Variants in SSRP1 observed in about 807,000 individuals in gnomAD.
SSRP1 encodes FACT complex subunit SSRP1.
A neutral mutation model predicts 84.4 loss-of-function variants in SSRP1; 21 were observed. The observed-to-expected ratio is 0.25, with a 90% CI of 0.18 to 0.36. SSRP1 has a LOEUF of 0.36. Among genes scored for constraint, SSRP1 ranks in the 10% least tolerant of loss-of-function variants. SSRP1 has a pLI of 1.00. For missense variants in SSRP1, 519 were observed against 900.8 expected (o/e 0.58, Z 5.43); for synonymous variants, 319 against 318.3 (o/e 1.00, Z -0.02).
In SSRP1 at chr11:57,327,508, C is replaced by T; in HGVS notation, c.1789G>A (p.Asp597Asn). The T allele has an allele frequency of 6.2e-7, 1 of 1,614,106 alleles. No individual in the cohort carries two copies. Residue 597 changes from aspartate to asparagine, a missense_variant, in exon 15 of 17, where the codon GAT (aspartate) becomes AAT (asparagine). Asp to Asn is a conservative substitution (Grantham distance 23). Around this residue, in one of 7 missense-constraint regions of SSRP1, gnomAD observed 197 missense variants for 265.0 expected, o/e 0.74. Coordinates refer to ENST00000278412, the MANE Select transcript of SSRP1 (RefSeq NM_003146.3). Reference sequence around the variant, plus strand: ...CTCCTGGCATCCTCAGCCTTGCGATCCCACTCCTGTCTCACACACAGAAAA... The same window carrying T: ...CTCCTGGCATCCTCAGCCTTGCGATTCCACTCCTGTCTCACACACAGAAAA... ...GMSKEKKEEWDRKAEDARRDY... is the reference protein window; with the variant it reads ...GMSKEKKEEWNRKAEDARRDY...
Position 57,327,736 on chromosome 11 carries a change from C to T in SSRP1, c.1758G>A (p.Lys586=), listed in dbSNP as rs61756192. The stretch of plus-strand genomic sequence containing the variant: ...CCTCTTTCTTCTCTTTGGACATTCC[C>T]TTCCAGATCTCGCCTGCCTTCTTGG... The part of the protein sequence containing the change: ...DLSKKAGEIW[K]GMSKEKKEEW... The change falls in exon 14 of 17, where the codon AAG becomes AAA. Residue 586 remains lysine (K), a synonymous_variant. Coordinates refer to ENST00000278412, the MANE Select transcript of SSRP1 (RefSeq NM_003146.3). 4.3e-6 allele frequency: 7 copies of T among 1,614,002 alleles called. No individual in the cohort carries two copies. Among genetic ancestry groups the T allele is most frequent in the Non-Finnish European group, 5.9e-6 (7 of 1,180,038 alleles).
chr11:57,328,985 AAAGAT>A (rs1856038444), intron 12 of SSRP1: 1 of 152,542 alleles, frequency 6.6e-6, no homozygotes. Flanking sequence ...CTTCTGATGA[AAAGAT>A]AATCAGTTAC....
In SSRP1 at chr11:57,326,166, G is replaced by T; in HGVS notation, c.*241C>A. ...GGTCGGGAAAGTAAGATGAGGATTT[G>T]GATCCTGCATTGCCCTGCCTCCCAC... On this transcript the variant is annotated 3_prime_UTR_variant, in exon 17 of 17. Transcript: ENST00000278412. 1 of 573,108 alleles carries T rather than the reference G, an allele frequency of 1.7e-6. No homozygotes were observed. The highest frequency in any genetic ancestry group is 3.1e-6 in the Non-Finnish European group (1 of 321,606). The allele number at this position is 573,108 out of a possible 1,614,324, so 35.5% of individuals were successfully genotyped here.
chr11:57,334,867 G>A (rs1005640576), intron 2 of SSRP1, among the ~76,000 whole-genome samples: 8 of 152,186 alleles, frequency 5.3e-5, no homozygotes, highest in African/African-American at 1.9e-4. Flanking sequence ...ACAGGAATTG[G>A]GAACTGAACA....
At chr11:57,328,105 G>T in intron 13 of SSRP1, 192 bp downstream of exon 13, 2 of 1,005,330 alleles carry the variant, frequency 2.0e-6, no homozygotes, top group Non-Finnish European at 2.9e-6. Flanking sequence ...CCTTCCAGAA[G>T]CTTATTAATC....
intron 9 of SSRP1, among the ~76,000 whole-genome samples, chr11:57,331,222 C>T (rs12576878): frequency 0.19 from 28,847 of 152,004 alleles, 3,307 homozygotes; most frequent in African/African-American, 0.32. Context: ...GGGCAGGGGA[C>T]GTGGTCATCT....
rs1241136054 is a variant in SSRP1 at position 57,326,157 on chromosome 11, T to C, written c.*250A>G. The stretch of plus-strand genomic sequence containing the variant: ...CATCCTTAAGGTCGGGAAAGTAAGA[T>C]GAGGATTTGGATCCTGCATTGCCCT... On this transcript the variant is annotated 3_prime_UTR_variant, in exon 17 of 17. Transcript: ENST00000278412. The C allele has an allele frequency of 3.6e-6, 2 of 557,850 alleles. No homozygotes were observed. Among genetic ancestry groups the C allele is most frequent in the African/African-American group, 3.8e-5 (2 of 53,268 alleles). The allele number at this position is 557,850 out of a possible 1,614,324, so 34.6% of individuals were successfully genotyped here. A position where few individuals can be genotyped will look rare whatever the true frequency, so the allele number is the denominator to read the frequency against.
chr11:57,335,376 G>A lies in SSRP1; in HGVS notation c.-119-136C>T, dbSNP rs1424952024. On this transcript the variant is annotated intron_variant, in intron 1 of 16. Coordinates refer to ENST00000278412, the MANE Select transcript of SSRP1 (RefSeq NM_003146.3). This position sits in a 1 kb window ranked among gnomAD's most constrained non-coding sequence, Gnocchi z 4.6. ...GCCTGGAAACCTACAGACGGACGCT[G>A]CAGTGCCCGAGGGTCCAGGTCCAGG... is the stretch of plus-strand genomic sequence containing the variant. 43 of 462,128 alleles carry A rather than the reference G, an allele frequency of 9.3e-5. No homozygotes were observed. In the East Asian group the frequency reaches 1.9e-3, roughly 20 times the overall value. The allele number at this position is 462,128 out of a possible 1,614,324, so 28.6% of individuals were successfully genotyped here.
In SSRP1 at chr11:57,327,504, C is replaced by T. The variant is rs879145494; in HGVS notation, c.1793G>A (p.Arg598His). ...GTCCCTCCTGGCATCCTCAGCCTTG[C>T]GATCCCACTCCTGTCTCACACACAG... ...MSKEKKEEWD[R>H]KAEDARRDYE... Residue 598 changes from arginine (R) to histidine (H), a missense_variant, in exon 15 of 17, where the codon CGC (arginine) becomes CAC (histidine). Coordinates refer to ENST00000278412, the MANE Select transcript of SSRP1 (RefSeq NM_003146.3). 6.8e-6 allele frequency: 11 copies of T among 1,613,956 alleles called. No individual in the cohort carries two copies. The highest frequency in any genetic ancestry group is 3.3e-5 in the Admixed American group (2 of 59,984).
chr11:57,331,048 C>T, intron 9 of SSRP1, 121 bp from the exon 10 acceptor site: 1 of 1,057,008 alleles, frequency 9.5e-7, no homozygotes, highest in South Asian at 1.3e-5. Flanking sequence ...GACTATGCTA[C>T]CCAACCCAAC....
At chr11:57,326,915 C>G in intron 15 of SSRP1, 26 bp from the exon 16 acceptor site, 1 of 1,552,786 alleles carries the variant, frequency 6.4e-7, no homozygotes, top group South Asian at 1.2e-5. Context: ...GGAAGAGGAG[C>G]TGGGCCTTCA....
chr11:57,335,416 C>A lies in SSRP1; in HGVS notation c.-119-176G>T, dbSNP rs949844489. 4 of 371,188 alleles carry A rather than the reference C, an allele frequency of 1.1e-5. No individual in the cohort carries two copies. The Admixed American group carries it at 1.1e-4, about 10-fold the overall frequency. 23.0% of individuals were successfully genotyped at this position (371,188 alleles called of 1,614,324 possible). A position where few individuals can be genotyped will look rare whatever the true frequency, so the allele number is the denominator to read the frequency against. On this transcript the variant is annotated intron_variant, in intron 1 of 16. Transcript: ENST00000278412. This position sits in a 1 kb window ranked among gnomAD's most constrained non-coding sequence, Gnocchi z 4.6. ...CCAGGTCCAGGCCTGGGTGGAGAAC[C>A]GGGCCCGGAATACCGCTGACACCCA...
Position 57,326,463 on chromosome 11 carries a change from C to G in SSRP1, c.2074G>C (p.Glu692Gln), listed in dbSNP as rs142261788. The G allele has an allele frequency of 2.0e-4, 316 of 1,613,864 alleles. No individual in the cohort carries two copies. Among genetic ancestry groups the G allele is most frequent in the Non-Finnish European group, 2.4e-4 (285 of 1,179,866 alleles). ...GAGCTGGGGGGAGTACTGGCTAGTT[C>G]TTCTTCTTCAGAGTCCTGAAAACCA... ...RRRSEDSEEE[E>Q]LASTPPSSED... is the part of the protein sequence containing the mutation. Residue 692 changes from glutamate to glutamine, a missense_variant, in exon 17 of 17, where the codon GAA becomes CAA. Glu to Gln is a conservative substitution (Grantham distance 29). Transcript: ENST00000278412.
In SSRP1 at chr11:57,335,521, C is replaced by A. The variant is rs1856198559; in HGVS notation, c.-120+209G>T. ...CCCCAGGGTCTGCCAGGAGCCCGCACATCGCACGCGACCCAATCCAGCTCA... is the reference window on the plus strand; with the variant it reads ...CCCCAGGGTCTGCCAGGAGCCCGCAAATCGCACGCGACCCAATCCAGCTCA... On this transcript the variant is annotated intron_variant, in intron 1 of 16. Transcript: ENST00000278412. The surrounding 1 kb of genome is among the most constrained non-coding windows in gnomAD (Gnocchi z 4.6). 2 of 296,788 alleles carry A rather than the reference C, an allele frequency of 6.7e-6. No individual in the cohort carries two copies. Among genetic ancestry groups the A allele is most frequent in the Admixed American group, 8.6e-5 (2 of 23,156 alleles). The allele number at this position is 296,788 out of a possible 1,614,324, so 18.4% of individuals were successfully genotyped here.
chr11:57,331,613 G>T, intron 9 of SSRP1, 55 bp downstream of exon 9: 1 of 1,481,682 alleles, frequency 6.7e-7, no homozygotes, highest in South Asian at 1.1e-5. Context: ...AGCCTTCCTA[G>T]ACAAAGCTGG....
At position 57,332,551 on chromosome 11, in the gene SSRP1, C is replaced by T. The variant is rs1856115235; in HGVS notation, c.769-65G>A. 2.5e-6 allele frequency: 4 copies of T among 1,605,162 alleles called. No homozygotes were observed. The Admixed American group carries it at 6.7e-5, about 27-fold the overall frequency. On this transcript the variant is annotated intron_variant, in intron 6 of 16. Coordinates refer to ENST00000278412, the MANE Select transcript of SSRP1 (RefSeq NM_003146.3). This position sits in a 1 kb window ranked among gnomAD's most constrained non-coding sequence, Gnocchi z 5.5. ...TGCAATTAACCAACGTAGAATTCTG[C>T]ACACCAGTGAGATCCATCTACTTAA...
intron 13 of SSRP1, 142 bp from the exon 14 acceptor site, chr11:57,328,024 G>C: frequency 9.4e-7 from 1 of 1,069,056 alleles, no homozygotes; most frequent in Non-Finnish European, 1.3e-6. Context: ...TAAGGGCAAG[G>C]ATAGTATCTC....
Position 57,332,053 on chromosome 11 carries a change from C to A in SSRP1, c.1001+99G>T. The stretch of plus-strand genomic sequence containing the variant: ...ATTGTGACACAAGGTCCCATCCAGG[C>A]CTCTAGGAGGCCGCATTCCCATCTC... On this transcript the variant is annotated intron_variant, in intron 8 of 16. Coordinates refer to ENST00000278412, the MANE Select transcript of SSRP1 (RefSeq NM_003146.3). The surrounding 1 kb of genome is among the most constrained non-coding windows in gnomAD (Gnocchi z 5.5). 6.3e-7 allele frequency: 1 copy of A among 1,583,798 alleles called. No individual in the cohort carries two copies. The highest frequency in any genetic ancestry group is 8.6e-7 in the Non-Finnish European group (1 of 1,164,810).
chr11:57,330,863 A>T lies in SSRP1; in HGVS notation c.1288T>A (p.Leu430Met). 6.2e-7 allele frequency: 1 copy of T among 1,614,212 alleles called. No individual in the cohort carries two copies. Among genetic ancestry groups the T allele is most frequent in the Non-Finnish European group, 8.5e-7 (1 of 1,180,020 alleles). Residue 430 changes from leucine to methionine, a missense_variant, in exon 10 of 17, where the codon TTG becomes ATG. This residue lies in a region of SSRP1 where 34 missense variants were observed against 34.3 expected (regional missense o/e 0.99). Transcript: ENST00000278412. The surrounding 1 kb of genome is among the most constrained non-coding windows in gnomAD (Gnocchi z 4.0). Reference sequence around the variant, plus strand: ...TCCCCACACAGAAGTACCTCTTTCAATCCTCGGTTTTTGATGTTGAGCTTT... The same window carrying T: ...TCCCCACACAGAAGTACCTCTTTCATTCCTCGGTTTTTGATGTTGAGCTTT... Reference protein sequence around the residue: ...AKKLNIKNRGLKEGMNPSYDE... With the variant: ...AKKLNIKNRGMKEGMNPSYDE...
Sources: gnomAD v4.1 joint callset for allele counts (sites outside exome capture counted in the v4.1 genomes callset) on GRCh38, gnomAD v4.1.1 for gene constraint, gnomAD v4.1.1 regional missense constraint, Gnocchi (gnomAD v3.1) non-coding constraint, MANE v1.5 for transcripts, NCBI Gene and HGNC (gene_info 2026-07-23, HGNC 2026-07-21) for gene names.